The following LRIG1 variants were observed in gnomAD, a reference collection of about 807,000 sequenced individuals.
LRIG1 encodes leucine rich repeats and immunoglobulin like domains 1, also known as leucine-rich repeats and immunoglobulin-like domains protein 1.
LRIG1 carries 48 observed loss-of-function variants against 99.2 expected under a neutral mutation model. The ratio of observed to expected loss-of-function variants is 0.48; its 90% CI spans 0.38 to 0.62. LRIG1 has a LOEUF of 0.62. Ranked by LOEUF, LRIG1 falls within the 20% of genes least tolerant of loss-of-function variation. LRIG1 has a pLI of 0.00. For missense variants in LRIG1, 1,646 were observed against 1,434.4 expected, an observed-to-expected ratio of 1.15 and a Z score of -2.38; for synonymous variants, 772 against 596.1, an observed-to-expected ratio of 1.29 and a Z score of -4.30.
intron 1 of LRIG1, among the ~76,000 whole-genome samples, chr3:66,470,093 A>C (rs1700562714): frequency 6.6e-6 from 1 of 152,176 alleles, no homozygotes; most frequent in Admixed American, 6.5e-5. Flanking sequence ...TTTTCACCAA[A>C]AACTAAAGTT....
intron 3 of LRIG1, among the ~76,000 whole-genome samples, chr3:66,451,281 A>G (rs1379251195): frequency 6.6e-6 from 1 of 152,012 alleles, no homozygotes; most frequent in South Asian, 2.1e-4. Context: ...CAGAAGCAAG[A>G]AATCTAGTTC....
At chr3:66,483,571 C>T (rs993397336) in intron 1 of LRIG1, among the ~76,000 whole-genome samples, 1 of 152,216 alleles carries the variant, frequency 6.6e-6, no homozygotes, top group Non-Finnish European at 1.5e-5. Flanking sequence ...TCCTTTTTGT[C>T]AAAGCAGAGG....
At chr3:66,409,958 T>C in intron 7 of LRIG1, 171 bp downstream of exon 7, 2 of 592,680 alleles carry the variant, frequency 3.4e-6, no homozygotes, top group East Asian at 2.9e-5. Flanking sequence ...GGACTGGGGC[T>C]CAAATCGCTG....
intron 5 of LRIG1, 73 bp downstream of exon 5, chr3:66,414,847 C>A (rs978243963): frequency 9.3e-6 from 13 of 1,402,490 alleles, no homozygotes; most frequent in African/African-American, 1.4e-5. Context: ...GCGTTTGGTA[C>A]GAGGTCCTTG....
At chr3:66,492,527 A>G (rs1181321551) in intron 1 of LRIG1, among the ~76,000 whole-genome samples, 1 of 152,082 alleles carries the variant, frequency 6.6e-6, no homozygotes, top group Non-Finnish European at 1.5e-5. Context: ...CATTTCCTTC[A>G]TTTTCTTCCC....
intron 3 of LRIG1, among the ~76,000 whole-genome samples, chr3:66,427,166 C>T (rs1346524464): frequency 2.0e-5 from 3 of 152,242 alleles, no homozygotes; most frequent in Non-Finnish European, 2.9e-5. Flanking sequence ...CAGCACTCTG[C>T]CCATCATGGT....
At chr3:66,381,925 C>A (rs1701096223) in intron 16 of LRIG1, among the ~76,000 whole-genome samples, 1 of 151,988 alleles carries the variant, frequency 6.6e-6, no homozygotes. Context: ...CAGTGTAAGA[C>A]TGGATCACAG....
At chr3:66,429,431 C>G (rs551290809) in intron 3 of LRIG1, among the ~76,000 whole-genome samples, 6 of 152,278 alleles carry the variant, frequency 3.9e-5, no homozygotes, top group African/African-American at 1.4e-4. Flanking sequence ...AGCAAAACTC[C>G]TAAGGAAATA....
intron 2 of LRIG1, 105 bp downstream of exon 2, chr3:66,462,333 G>C: frequency 1.3e-6 from 1 of 799,416 alleles, no homozygotes. Flanking sequence ...CTTCCTACAA[G>C]TTTACACTGC....
Position 66,453,107 on chromosome 3 carries a change from C to T in LRIG1, c.291-1474G>A, listed in dbSNP as rs1033091026. On this transcript the variant is annotated intron_variant, in intron 2 of 18. Coordinates refer to ENST00000273261, the MANE Select transcript of LRIG1 (RefSeq NM_015541.3). ...CTGAAAACTCCCCATTAGTCTTAATCTCAGCTAATAAATTTTTCATAGTAC... is the reference window on the plus strand; with the variant it reads ...CTGAAAACTCCCCATTAGTCTTAATTTCAGCTAATAAATTTTTCATAGTAC... Among the ~76,000 whole-genome samples, 8 of 152,190 alleles carry T rather than the reference C, an allele frequency of 5.3e-5. No individual in the cohort carries two copies. In the South Asian group the frequency reaches 1.0e-3, roughly 20 times the overall value.
chr3:66,447,855 T>C (rs1703778202), intron 3 of LRIG1, among the ~76,000 whole-genome samples: 1 of 152,244 alleles, frequency 6.6e-6, no homozygotes, highest in South Asian at 2.1e-4. Flanking sequence ...TTACTGTTGC[T>C]GTGGGAATCG....
At chr3:66,405,540 G>A (rs1702234777) in intron 8 of LRIG1, among the ~76,000 whole-genome samples, 1 of 152,204 alleles carries the variant, frequency 6.6e-6, no homozygotes, top group Non-Finnish European at 1.5e-5. Flanking sequence ...ACACTCAAGG[G>A]AAGGGAGGTG....
At position 66,384,280 on chromosome 3, in the gene LRIG1, A is replaced by G. The variant is rs768579869; in HGVS notation, c.1790-8T>C. On this transcript the variant is annotated splice_region_variant and splice_polypyrimidine_tract_variant and intron_variant, in intron 13 of 18. Transcript: ENST00000273261. ...TGGTGAATGATGGCAACACTGGAAA[A>G]CATACGTATACAGGGTCGGGTTACG... 19 of 1,607,276 alleles carry G rather than the reference A, an allele frequency of 1.2e-5. No individual in the cohort carries two copies. The highest frequency in any genetic ancestry group is 1.6e-5 in the Non-Finnish European group (19 of 1,174,688).
At chr3:66,481,103 G>A (rs1464817182) in intron 1 of LRIG1, among the ~76,000 whole-genome samples, 2 of 152,180 alleles carry the variant, frequency 1.3e-5, no homozygotes, top group African/African-American at 4.8e-5. Context: ...GCACAGGTAT[G>A]CCAGTCCTCT....
chr3:66,382,418 A>T lies in LRIG1; in HGVS notation c.2492-20T>A. ...TTTCATCTGCAAGGAGACAGAACAA[A>T]TAGAACACCAGGGTCTCAGTGACAA... On this transcript the variant is annotated intron_variant, in intron 15 of 18. Transcript: ENST00000273261. 2 of 1,614,138 alleles carry T rather than the reference A, an allele frequency of 1.2e-6. No individual in the cohort carries two copies. Among genetic ancestry groups the T allele is most frequent in the South Asian group, 2.2e-5 (2 of 91,090 alleles).
rs1004961923 is a variant in LRIG1, at chr3:66,383,148, G to A, written c.2325C>T (p.His775=). ...CTGCGGGCAGGACGCTCAGCTGGCT[G>A]TGAGCTCGCTCCGTGCCCAGGGTGT... ...MSNTLGTERA[H]SQLSVLPAAG... The change falls in exon 15 of 19, where the codon CAC becomes CAT. Residue 775 remains histidine, a synonymous_variant. Coordinates refer to ENST00000273261, the MANE Select transcript of LRIG1 (RefSeq NM_015541.3). 5 of 1,614,138 alleles carry A rather than the reference G, an allele frequency of 3.1e-6. No homozygotes were observed. The highest frequency in any genetic ancestry group is 1.3e-5 in the African/African-American group (1 of 74,948).
In LRIG1 at chr3:66,414,060, A is replaced by G. The variant is rs1417375032; in HGVS notation, c.647+860T>C. On this transcript the variant is annotated intron_variant, in intron 5 of 18. Coordinates refer to ENST00000273261, the MANE Select transcript of LRIG1 (RefSeq NM_015541.3). ...CTAAAACTCTGCCTTCTAGAAGGGT[A>G]CTCAGCCTTCCATCAGTAAACTAAA... Among the ~76,000 whole-genome samples the G allele has an allele frequency of 3.9e-5, 6 of 152,256 alleles. No homozygotes were observed. The East Asian group carries it at 1.2e-3, about 29-fold the overall frequency.
At position 66,413,064 on chromosome 3, in the gene LRIG1, C is replaced by A. The variant is rs369016846; in HGVS notation, c.648-50G>T. The A allele has an allele frequency of 1.0e-5, 16 of 1,602,864 alleles. No individual in the cohort carries two copies. In the African/African-American group the frequency reaches 2.1e-4, roughly 21 times the overall value. On this transcript the variant is annotated intron_variant, in intron 5 of 18. Transcript: ENST00000273261. ...CAGAGTGTCTTATGTGCATATCCCA[C>A]CCACAACCATTCTGAAGCAGTCCTG... is the stretch of plus-strand genomic sequence containing the variant.
At chr3:66,410,104 A>C (rs776667876) in intron 7 of LRIG1, 25 bp downstream of exon 7, 42 of 1,591,716 alleles carry the variant, frequency 2.6e-5, no homozygotes, top group Non-Finnish European at 3.1e-5. Flanking sequence ...AAACACTGCC[A>C]CAGCCCAGAG....
Sources: gnomAD v4.1 joint callset for allele counts (sites outside exome capture counted in the v4.1 genomes callset) on GRCh38, gnomAD v4.1.1 for gene constraint, MANE v1.5 for transcripts, NCBI Gene and HGNC (gene_info 2026-07-23, HGNC 2026-07-21) for gene names.